HECTD2: variants seen among roughly 807,000 people sequenced by gnomAD.
The protein encoded by HECTD2 is HECT domain E3 ubiquitin protein ligase 2, also known as probable E3 ubiquitin-protein ligase HECTD2.
Under a neutral mutation model 103.2 loss-of-function variants are expected in HECTD2, and 35 were observed. That is an observed-to-expected ratio of 0.34 (90% CI 0.26 to 0.45). The LOEUF (loss-of-function observed/expected upper bound fraction) is 0.45, where lower values mean the gene tolerates loss of function less well. Among genes scored for constraint, HECTD2 ranks in the 20% least tolerant of loss-of-function variants. The probability of loss-of-function intolerance (pLI) is 1.00; values close to 1 mark genes in which losing one functional copy is unlikely to be tolerated. For missense variants in HECTD2, 596 were observed against 937.4 expected, an observed-to-expected ratio of 0.64 and a Z score of 4.76; for synonymous variants, 281 against 329.9, an observed-to-expected ratio of 0.85 and a Z score of 1.61.
At chr10:91,430,893 T>C (rs2133064099) in intron 2 of HECTD2, among the ~76,000 whole-genome samples, 1 of 151,828 alleles carries the variant, frequency 6.6e-6, no homozygotes, top group Non-Finnish European at 1.5e-5. Flanking sequence ...AAAGTTAATA[T>C]CATTATGTGT....
intron 2 of HECTD2, among the ~76,000 whole-genome samples, chr10:91,450,048 C>T (rs1037467597): frequency 1.3e-5 from 2 of 151,974 alleles, no homozygotes; most frequent in Admixed American, 1.3e-4. Context: ...CATATAGAAC[C>T]AAAAAAGAGC....
In HECTD2 at chr10:91,410,417, C is replaced by A; in HGVS notation, c.-22C>A. The A allele has an allele frequency of 7.3e-7, 1 of 1,363,348 alleles. No individual in the cohort carries two copies. The highest frequency in any genetic ancestry group is 3.5e-5 in the Admixed American group (1 of 28,698). The allele number at this position is 1,363,348 out of a possible 1,614,324, so 84.5% of individuals were successfully genotyped here. A position where few individuals can be genotyped will look rare whatever the true frequency, so the allele number is the denominator to read the frequency against. The stretch of plus-strand genomic sequence containing the variant: ...CACTGAGGCCGCCGCCGCCGCCTGG[C>A]GCTCCCGCCGCCCGGCCCGACATGA... On this transcript the variant is annotated 5_prime_UTR_variant, in exon 1 of 21. Transcript: ENST00000298068.
chr10:91,409,423 T>C (rs1030365619), upstream of HECTD2: 2 of 152,242 alleles, frequency 1.3e-5, no homozygotes, highest in African/African-American at 4.8e-5. Flanking sequence ...AGAGTTTGGG[T>C]ATGTACATCT....
intron 2 of HECTD2, among the ~76,000 whole-genome samples, chr10:91,429,878 T>C (rs944732453): frequency 8.5e-5 from 13 of 152,224 alleles, no homozygotes; most frequent in Non-Finnish European, 1.8e-4. Context: ...CTCTATTTCC[T>C]TCAGTTCTGC....
intron 1 of HECTD2, among the ~76,000 whole-genome samples, chr10:91,420,745 C>T (rs1843326345): frequency 6.6e-6 from 1 of 152,148 alleles, no homozygotes; most frequent in South Asian, 2.1e-4. Flanking sequence ...TTTAGCTAGT[C>T]AGTCTTTTCT....
intron 8 of HECTD2, 117 bp downstream of exon 8, chr10:91,483,193 A>G (rs756259120): frequency 6.6e-6 from 3 of 455,204 alleles, no homozygotes; most frequent in Non-Finnish European, 1.2e-5. Flanking sequence ...TGATGCTTAT[A>G]TTCACAATGC....
intron 9 of HECTD2, 71 bp from the exon 10 acceptor site, chr10:91,485,109 G>T: frequency 9.5e-7 from 1 of 1,048,604 alleles, no homozygotes; most frequent in Non-Finnish European, 1.4e-6. Context: ...ACATTAAAAT[G>T]ATGTTTTTAT....
chr10:91,494,355 C>T (rs1268655346), intron 14 of HECTD2, among the ~76,000 whole-genome samples: 1 of 151,814 alleles, frequency 6.6e-6, no homozygotes, highest in East Asian at 1.9e-4. Flanking sequence ...TAATATATGG[C>T]TGGTGAGAGT....
intron 2 of HECTD2, among the ~76,000 whole-genome samples, chr10:91,454,489 T>C (rs998339129): frequency 2.6e-5 from 4 of 151,986 alleles, no homozygotes; most frequent in South Asian, 2.1e-4. Flanking sequence ...TAATACAACA[T>C]ACCAAAAGTT....
At chr10:91,471,003 GAC>G (rs1175828600) in intron 5 of HECTD2, among the ~76,000 whole-genome samples, 1 of 143,904 alleles carries the variant, frequency 6.9e-6, no homozygotes, top group South Asian at 2.1e-4. Flanking sequence ...CACACACACA[GAC>G]ACACACGCAC....
chr10:91,474,993 C>T (rs1017616646), intron 5 of HECTD2, among the ~76,000 whole-genome samples: 5 of 152,114 alleles, frequency 3.3e-5, no homozygotes, highest in African/African-American at 1.2e-4. Flanking sequence ...TTGGCAAATT[C>T]AGAAATAAGG....
chr10:91,457,877 T>C (rs1845174420), intron 2 of HECTD2, among the ~76,000 whole-genome samples: 1 of 151,942 alleles, frequency 6.6e-6, no homozygotes, highest in Non-Finnish European at 1.5e-5. Context: ...GTGGGAATAA[T>C]GCAAGGATGT....
At chr10:91,475,773 AG>A (rs1455469741) in intron 5 of HECTD2, among the ~76,000 whole-genome samples, 3 of 152,228 alleles carry the variant, frequency 2.0e-5, no homozygotes, top group African/African-American at 7.2e-5. Context: ...AGTTGTTAGC[AG>A]AGTAAGTGAG....
intron 2 of HECTD2, among the ~76,000 whole-genome samples, chr10:91,451,881 C>CAGAT (rs1411594704): frequency 6.6e-6 from 1 of 152,054 alleles, no homozygotes; most frequent in East Asian, 1.9e-4. Flanking sequence ...ATCCTGATTA[C>CAGAT]ATTACAGTAG....
At chr10:91,461,683 G>A (rs889271150) in intron 4 of HECTD2, among the ~76,000 whole-genome samples, 4 of 151,922 alleles carry the variant, frequency 2.6e-5, no homozygotes, top group African/African-American at 4.8e-5. Context: ...TGAGTAGCTG[G>A]GATTACAGGT....
intron 2 of HECTD2, among the ~76,000 whole-genome samples, chr10:91,440,698 G>C (rs371801389): frequency 6.4e-4 from 61 of 94,850 alleles, no homozygotes; most frequent in African/African-American, 2.4e-3. Flanking sequence ...CTGTCAATCT[G>C]TCTGGTCCTG....
intron 1 of HECTD2, among the ~76,000 whole-genome samples, 178 bp from the exon 2 acceptor site, chr10:91,425,103 G>T (rs1843505261): frequency 6.6e-6 from 1 of 151,964 alleles, no homozygotes; most frequent in Non-Finnish European, 1.5e-5. Context: ...AGATAATAAG[G>T]CTGTTTTATA....
chr10:91,439,766 G>A (rs571199004), intron 2 of HECTD2, among the ~76,000 whole-genome samples: 4 of 152,080 alleles, frequency 2.6e-5, no homozygotes, highest in Non-Finnish European at 5.9e-5. Context: ...CTTGAGCAGT[G>A]GTTTGTAGTT....
intron 2 of HECTD2, among the ~76,000 whole-genome samples, chr10:91,436,718 C>T (rs910776745): frequency 6.6e-6 from 1 of 151,906 alleles, no homozygotes; most frequent in African/African-American, 2.4e-5. Context: ...TTTTTGCCTT[C>T]CCCGTTATAT....
Sources: gnomAD v4.1 joint callset for allele counts (sites outside exome capture counted in the v4.1 genomes callset) on GRCh38, gnomAD v4.1.1 for gene constraint, MANE v1.5 for transcripts, NCBI Gene and HGNC (gene_info 2026-07-23, HGNC 2026-07-21) for gene names.